SMG6: variants seen among roughly 807,000 people sequenced by gnomAD.
SMG6 encodes the protein telomerase-binding protein EST1A.
A neutral mutation model predicts 142.2 loss-of-function variants in SMG6; 66 were observed. That is an observed-to-expected ratio of 0.46 (90% CI 0.38 to 0.57). The LOEUF (loss-of-function observed/expected upper bound fraction) is 0.57. Ranked by LOEUF, SMG6 falls within the 20% of genes least tolerant of loss-of-function variation. The pLI is 0.00. For synonymous variants in SMG6, 779 were observed against 702.4 expected (o/e 1.11, Z -1.72); for missense variants, 1,793 against 1,832.0 (o/e 0.98, Z 0.39).
At chr17:2,234,091 T>C (rs2073578887) in intron 10 of SMG6, among the ~76,000 whole-genome samples, 1 of 152,168 alleles carries the variant, frequency 6.6e-6, no homozygotes, top group African/African-American at 2.4e-5. Context: ...GTACGGGCTT[T>C]ATTTTTCCAT....
intron 13 of SMG6, among the ~76,000 whole-genome samples, chr17:2,120,976 A>C (rs1185222767): frequency 6.6e-6 from 1 of 152,180 alleles, no homozygotes; most frequent in Non-Finnish European, 1.5e-5. Context: ...TGAGCTTAAA[A>C]AAAAGCGGGG....
At chr17:2,272,064 G>A (rs1460519756) in intron 8 of SMG6, among the ~76,000 whole-genome samples, 2 of 152,148 alleles carry the variant, frequency 1.3e-5, no homozygotes, top group African/African-American at 2.4e-5. Flanking sequence ...GGTATCTTAT[G>A]GGAGATCAGC....
At chr17:2,109,891 A>G (rs2069261751) in intron 13 of SMG6, among the ~76,000 whole-genome samples, 3 of 152,078 alleles carry the variant, frequency 2.0e-5, no homozygotes, top group Admixed American at 1.3e-4. Context: ...CAGGAGTTCA[A>G]GACCAACATG....
intron 16 of SMG6, among the ~76,000 whole-genome samples, chr17:2,067,994 A>G (rs2067997799): frequency 2.0e-5 from 3 of 152,152 alleles, no homozygotes; most frequent in South Asian, 4.1e-4. Context: ...GGGCCTCCCA[A>G]TCATCTCCTA....
intron 13 of SMG6, among the ~76,000 whole-genome samples, chr17:2,172,320 G>A (rs2071529198): frequency 6.6e-6 from 1 of 151,912 alleles, no homozygotes; most frequent in Non-Finnish European, 1.5e-5. Context: ...GGGCGGGGAG[G>A]AAGGGGGAGA....
At chr17:2,218,205 C>CGAA (rs2073072830) in intron 10 of SMG6, among the ~76,000 whole-genome samples, 1 of 151,922 alleles carries the variant, frequency 6.6e-6, no homozygotes, top group Non-Finnish European at 1.5e-5. Flanking sequence ...TGTGCTTCTC[C>CGAA]CATAACATTC....
intron 18 of SMG6, among the ~76,000 whole-genome samples, chr17:2,064,031 T>C (rs764806171): frequency 7.5e-4 from 114 of 152,000 alleles, no homozygotes; most frequent in African/African-American, 2.0e-3. Flanking sequence ...AACCAGCCCC[T>C]AGTAAAGAGA....
chr17:2,299,443 C>G lies in SMG6; in HGVS notation c.1310G>C (p.Gly437Ala), dbSNP rs923802783. Residue 437 changes from glycine (G) to alanine (A), a missense_variant, in exon 2 of 19, where the codon GGA becomes GCA. Physicochemically the swap from Gly to Ala is moderately conservative, Grantham distance 60. This residue lies in a region of SMG6 where 1,597 missense variants were observed against 1,584.6 expected (regional missense o/e 1.01). Coordinates refer to ENST00000263073, the MANE Select transcript of SMG6 (RefSeq NM_017575.5). This position sits in a 1 kb window ranked among gnomAD's most constrained non-coding sequence, Gnocchi z 4.3. The part of the protein sequence containing the change: ...SAPLGPRLLF[G>A]SGSKGSRSWG... ...ACTCCGAGATCCCTTACTACCAGAT[C>G]CAAACAAAAGCCGAGGTCCCAAAGG... is the stretch of plus-strand genomic sequence containing the variant. 6.2e-7 allele frequency: 1 copy of G among 1,614,098 alleles called. No homozygotes were observed. Among genetic ancestry groups the G allele is most frequent in the African/African-American group, 1.3e-5 (1 of 75,010 alleles).
At chr17:2,236,774 A>G in intron 9 of SMG6, 137 bp from the exon 10 acceptor site, 1 of 1,346,894 alleles carries the variant, frequency 7.4e-7, no homozygotes. Context: ...TGCCTAGGAC[A>G]TTTCTTTGCT....
intron 13 of SMG6, among the ~76,000 whole-genome samples, chr17:2,105,545 AAAAT>A (rs377071604): frequency 6.6e-6 from 1 of 151,890 alleles, no homozygotes; most frequent in South Asian, 2.1e-4. Context: ...CTCTGTCTCA[AAAAT>A]AAATAAATAA....
intron 10 of SMG6, among the ~76,000 whole-genome samples, chr17:2,217,852 TA>T (rs1344226834): frequency 2.0e-5 from 3 of 150,882 alleles, no homozygotes; most frequent in African/African-American, 7.3e-5. Flanking sequence ...CTACTAAAAA[TA>T]AAAAAAATCA....
chr17:2,297,636 CTCTT>C (rs1391054876), intron 3 of SMG6, among the ~76,000 whole-genome samples: 1 of 152,118 alleles, frequency 6.6e-6, no homozygotes, highest in African/African-American at 2.4e-5. Flanking sequence ...CTCATTCTCT[CTCTT>C]TTAGGCCAAG....
At chr17:2,291,229 G>C (rs2075027265) in intron 6 of SMG6, among the ~76,000 whole-genome samples, 1 of 152,120 alleles carries the variant, frequency 6.6e-6, no homozygotes, top group African/African-American at 2.4e-5. Flanking sequence ...TACTCGGGAG[G>C]CTGAGGCAGG....
intron 10 of SMG6, among the ~76,000 whole-genome samples, chr17:2,211,666 T>TAAAAA (rs58516730): frequency 3.0e-5 from 4 of 135,182 alleles, no homozygotes; most frequent in African/African-American, 5.6e-5. Flanking sequence ...TCCATCTAAT[T>TAAAAA]AAAAAAAAAA....
intron 13 of SMG6, among the ~76,000 whole-genome samples, chr17:2,120,087 C>T (rs998810057): frequency 3.3e-5 from 5 of 152,236 alleles, no homozygotes; most frequent in Non-Finnish European, 5.9e-5. Context: ...GGATTCCACG[C>T]GTGAGCCACC....
intron 13 of SMG6, among the ~76,000 whole-genome samples, chr17:2,163,133 C>T (rs1488496673): frequency 1.3e-5 from 2 of 152,008 alleles, no homozygotes; most frequent in Non-Finnish European, 2.9e-5. Flanking sequence ...TGCCTGGCTG[C>T]TAATCTTAAT....
intron 15 of SMG6, among the ~76,000 whole-genome samples, chr17:2,081,163 G>A (rs2068412180): frequency 1.3e-5 from 2 of 152,120 alleles, no homozygotes; most frequent in South Asian, 2.1e-4. Flanking sequence ...CGGGGAGCAG[G>A]ACTGCCTCTT....
chr17:2,279,842 A>C (rs2074745446), intron 8 of SMG6, among the ~76,000 whole-genome samples: 1 of 152,044 alleles, frequency 6.6e-6, no homozygotes, highest in Non-Finnish European at 1.5e-5. Context: ...CCACATTTTC[A>C]TGCCTCCAAG....
At chr17:2,267,414 G>C (rs2074444795) in intron 8 of SMG6, among the ~76,000 whole-genome samples, 1 of 151,788 alleles carries the variant, frequency 6.6e-6, no homozygotes, top group Non-Finnish European at 1.5e-5. Context: ...GGCTAGTCAT[G>C]AATGAACTCC....
Sources: gnomAD v4.1 joint callset for allele counts (sites outside exome capture counted in the v4.1 genomes callset) on GRCh38, gnomAD v4.1.1 for gene constraint, gnomAD v4.1.1 regional missense constraint, Gnocchi (gnomAD v3.1) non-coding constraint, MANE v1.5 for transcripts, NCBI Gene and HGNC (gene_info 2026-07-23, HGNC 2026-07-21) for gene names.